Variants in SHCBP1L observed in about 807,000 individuals in gnomAD.
SHCBP1L encodes the protein SHC binding and spindle associated 1 like.
SHCBP1L carries 67 observed loss-of-function variants against 62.5 expected under a neutral mutation model. The observed-to-expected ratio is 1.07, with a 90% CI of 0.88 to 1.31. SHCBP1L has a LOEUF of 1.31. SHCBP1L is among the 40% of genes most tolerant of loss of function. SHCBP1L has a pLI of 0.00. For missense variants in SHCBP1L, 823 were observed against 809.8 expected (o/e 1.02, Z -0.20); for synonymous variants, 284 against 289.4 (o/e 0.98, Z 0.19).
In SHCBP1L at chr1:182,900,569, C is replaced by A. The variant is rs187162732; in HGVS notation, c.1711-335G>T. Among the ~76,000 whole-genome samples, 22 of 152,204 alleles carry A rather than the reference C, an allele frequency of 1.4e-4. No homozygotes were observed. In the East Asian group the frequency reaches 4.3e-3, roughly 29 times the overall value. Reference sequence around the variant, plus strand: ...GCCTCAGCCACTCAAGTAGCTGGGACTACAAGGCGCGTGCCACCACACCTG... The same window carrying A: ...GCCTCAGCCACTCAAGTAGCTGGGAATACAAGGCGCGTGCCACCACACCTG... On this transcript the variant is annotated intron_variant, in intron 9 of 9. Transcript: ENST00000367547.
chr1:182,905,687 G>C (rs776350465), intron 6 of SHCBP1L, 38 bp from the exon 7 acceptor site: 1 of 1,583,438 alleles, frequency 6.3e-7, no homozygotes, highest in Non-Finnish European at 8.6e-7. Flanking sequence ...TCAATAATAG[G>C]TTAAACTGAA....
intron 6 of SHCBP1L, among the ~76,000 whole-genome samples, chr1:182,917,410 A>C (rs148644672): frequency 0.024 from 3,604 of 152,288 alleles, 59 homozygotes; most frequent in Middle Eastern, 0.088. Context: ...TGCCCAGCTA[A>C]TTTCTGTATT....
chr1:182,948,993 A>G (rs934781970), intron 2 of SHCBP1L, among the ~76,000 whole-genome samples: 4 of 152,208 alleles, frequency 2.6e-5, no homozygotes, highest in African/African-American at 7.2e-5. Flanking sequence ...TAACATTTAG[A>G]GGACATTACT....
intron 5 of SHCBP1L, among the ~76,000 whole-genome samples, chr1:182,930,823 T>G (rs753182257): frequency 7.3e-6 from 1 of 137,404 alleles, no homozygotes; most frequent in Admixed American, 7.7e-5. Flanking sequence ...CCTCCTGGGC[T>G]CAAGCAATCC....
intron 6 of SHCBP1L, among the ~76,000 whole-genome samples, chr1:182,916,249 A>G (rs1235603527): frequency 2.0e-5 from 3 of 152,230 alleles, no homozygotes; most frequent in Non-Finnish European, 4.4e-5. Flanking sequence ...AGAAATTTAT[A>G]GCAGTAAATG....
chr1:182,940,612 C>T (rs1352510195), intron 2 of SHCBP1L, 69 bp from the exon 3 acceptor site: 13 of 1,260,438 alleles, frequency 1.0e-5, no homozygotes, highest in Middle Eastern at 2.5e-4. Flanking sequence ...ATTTCTTTCT[C>T]ATATATGAGC....
At chr1:182,913,843 T>C (rs773686292) in intron 6 of SHCBP1L, among the ~76,000 whole-genome samples, 19 of 152,148 alleles carry the variant, frequency 1.2e-4, no homozygotes, top group Non-Finnish European at 2.2e-4. Flanking sequence ...TAACCAGATG[T>C]GGTGCCACAT....
intron 5 of SHCBP1L, among the ~76,000 whole-genome samples, chr1:182,936,130 G>GTTTTTTTTTTTTTTTTTTTTTTTT (rs71127329): frequency 1.6e-5 from 1 of 63,982 alleles, no homozygotes; most frequent in Non-Finnish European, 3.2e-5. Context: ...TTTGTTTTTT[G>GTTTTTTTTTTTTTTTTTTTTTTTT]TTTTTTTTTT....
intron 6 of SHCBP1L, among the ~76,000 whole-genome samples, chr1:182,925,098 G>GGAAGGAAAA (rs1650699859): frequency 6.6e-6 from 1 of 151,336 alleles, no homozygotes; most frequent in African/African-American, 2.4e-5. Flanking sequence ...AGGAAGGAAA[G>GGAAGGAAAA]AAGTGAAGAA....
chr1:182,901,104 T>C (rs1649819437), intron 9 of SHCBP1L, among the ~76,000 whole-genome samples: 1 of 152,174 alleles, frequency 6.6e-6, no homozygotes, highest in African/African-American at 2.4e-5. Context: ...GAGTGTTCTT[T>C]ACATTAAAGG....
chr1:182,915,036 T>A (rs1374528075), intron 6 of SHCBP1L, among the ~76,000 whole-genome samples: 3 of 150,692 alleles, frequency 2.0e-5, no homozygotes, highest in Non-Finnish European at 4.4e-5. Flanking sequence ...GGCATGGTGG[T>A]GCATAATCCC....
chr1:182,924,707 A>AGGAAAGGAAAG (rs200616364), intron 6 of SHCBP1L, among the ~76,000 whole-genome samples: 1 of 37,420 alleles, frequency 2.7e-5, no homozygotes, highest in African/African-American at 2.1e-4. Flanking sequence ...AAAGGAAGAA[A>AGGAAAGGAAAG]GAAAGAAAGA....
At chr1:182,927,987 G>A (rs1049666235) in intron 6 of SHCBP1L, among the ~76,000 whole-genome samples, 2 of 152,102 alleles carry the variant, frequency 1.3e-5, no homozygotes, top group Non-Finnish European at 2.9e-5. Flanking sequence ...TAAAGCTGAG[G>A]ATAAAAGCAA....
chr1:182,945,627 G>C (rs1181210048), intron 2 of SHCBP1L, among the ~76,000 whole-genome samples: 1 of 152,154 alleles, frequency 6.6e-6, no homozygotes, highest in Admixed American at 6.5e-5. Flanking sequence ...TAACTTTTGA[G>C]ACCTCACATA....
At chr1:182,930,565 A>G (rs1412812257) in intron 5 of SHCBP1L, among the ~76,000 whole-genome samples, 8 of 95,300 alleles carry the variant, frequency 8.4e-5, no homozygotes, top group East Asian at 5.9e-4. Context: ...ATATATATAT[A>G]TATATATATA....
chr1:182,925,371 G>C (rs965897437), intron 6 of SHCBP1L, among the ~76,000 whole-genome samples: 1 of 152,094 alleles, frequency 6.6e-6, no homozygotes, highest in Admixed American at 6.6e-5. Flanking sequence ...AATGGGATAT[G>C]AATTTAATAG....
At chr1:182,939,444 A>G (rs1359675120) in intron 4 of SHCBP1L, 23 bp downstream of exon 4, 1 of 1,603,492 alleles carries the variant, frequency 6.2e-7, no homozygotes, top group Non-Finnish European at 8.5e-7. Context: ...AATGTGCGGT[A>G]TAAGTTTATA....
Position 182,904,291 on chromosome 1 carries a change from C to T in SHCBP1L, c.1476G>A (p.Glu492=), listed in dbSNP as rs1649933130. ...AGTTTTCTAGAGTCATGTGACCAGA[C>T]TCCACCACCACGATACCATCAACCG... ...QGTVDGIVVV[E]SGHMTLENCI... is the part of the protein sequence containing the mutation. Residue 492 remains glutamate, a synonymous_variant, in exon 8 of 10, where the codon GAG becomes GAA. Coordinates refer to ENST00000367547, the MANE Select transcript of SHCBP1L (RefSeq NM_030933.4). 1 of 1,614,004 alleles carries T rather than the reference C, an allele frequency of 6.2e-7. No individual in the cohort carries two copies. The highest frequency in any genetic ancestry group is 8.5e-7 in the Non-Finnish European group (1 of 1,180,032).
At chr1:182,940,654 A>T (rs1054474144) in intron 2 of SHCBP1L, 111 bp from the exon 3 acceptor site, 2 of 790,446 alleles carry the variant, frequency 2.5e-6, no homozygotes, top group Non-Finnish European at 3.9e-6. Context: ...TAAATTTATG[A>T]CTTCTTCAAC....
Sources: allele counts gnomAD v4.1 joint callset (sites outside exome capture counted in the v4.1 genomes callset), GRCh38; gene constraint gnomAD v4.1.1; transcripts MANE v1.5; gene names NCBI Gene and HGNC (gene_info 2026-07-23, HGNC 2026-07-21).